The following DHX33 variants were observed in gnomAD, a reference collection of about 807,000 sequenced individuals.
DHX33 encodes the protein ATP-dependent RNA helicase DHX33.
A neutral mutation model predicts 72.5 loss-of-function variants in DHX33; 42 were observed. That is an observed-to-expected ratio of 0.58 (90% CI 0.45 to 0.75). The LOEUF is 0.75. Among genes scored for constraint, DHX33 ranks in the 30% least tolerant of loss-of-function variants. The probability of loss-of-function intolerance (pLI) is 0.00; values close to 1 mark genes in which losing one functional copy is unlikely to be tolerated. For synonymous variants in DHX33, 358 were observed against 366.1 expected, an observed-to-expected ratio of 0.98 and a Z score of 0.25; for missense variants, 842 against 917.5, an observed-to-expected ratio of 0.92 and a Z score of 1.06.
At chr17:5,453,551 C>T (rs1451520080) in intron 8 of DHX33, 29 bp downstream of exon 8, 1 of 1,598,286 alleles carries the variant, frequency 6.3e-7, no homozygotes, top group East Asian at 2.2e-5. Context: ...TCCTCACCCA[C>T]CTTCTGCAAA....
intron 5 of DHX33, 97 bp downstream of exon 5, chr17:5,455,900 T>C: frequency 7.4e-7 from 1 of 1,355,262 alleles, no homozygotes; most frequent in Non-Finnish European, 1.0e-6. Flanking sequence ...TCCCATCCCA[T>C]ACACCTTATC....
chr17:5,448,772 G>C, intron 11 of DHX33, 37 bp downstream of exon 11: 2 of 1,494,098 alleles, frequency 1.3e-6, no homozygotes, highest in Non-Finnish European at 1.8e-6. Flanking sequence ...CAAAGTGACA[G>C]CTTTGTCACC....
chr17:5,445,223 C>T (rs1423803858), intron 11 of DHX33, among the ~76,000 whole-genome samples: 8 of 152,258 alleles, frequency 5.3e-5, no homozygotes, highest in African/African-American at 1.4e-4. Context: ...GGATTACAGG[C>T]GCCTGCCACC....
chr17:5,444,437 C>T lies in DHX33; in HGVS notation c.1892G>A (p.Ser631Asn). The T allele has an allele frequency of 1.9e-6, 3 of 1,614,204 alleles. No homozygotes were observed. The highest frequency in any genetic ancestry group is 2.5e-6 in the Non-Finnish European group (3 of 1,180,050). The change falls in exon 12 of 12, where the codon AGC becomes AAC. Residue 631 changes from serine (S) to asparagine (N), a missense_variant. Transcript: ENST00000225296. The surrounding 1 kb of genome is among the most constrained non-coding windows in gnomAD (Gnocchi z 4.9). ...GCCATCTGGCTGAAGCTCGGCGGTG[C>T]TCATGAAGAGGCTGTGAGCCAGGCA... ...RRCLAHSLFM[S>N]TAELQPDGTY... is the part of the protein sequence containing the mutation.
chr17:5,464,230 T>C (rs146331166), intron 1 of DHX33, among the ~76,000 whole-genome samples: 2,445 of 152,172 alleles, frequency 0.016, 38 homozygotes, highest in Non-Finnish European at 0.021. Flanking sequence ...CTCTGAAGGC[T>C]GAGGTGGGCA....
At chr17:5,462,975 G>A (rs900978812) in intron 2 of DHX33, among the ~76,000 whole-genome samples, 2 of 152,008 alleles carry the variant, frequency 1.3e-5, no homozygotes, top group South Asian at 4.2e-4. Context: ...CCAGCTACTC[G>A]GGAGGCTGAG....
Position 5,453,868 on chromosome 17 carries a change from C to T in DHX33, c.1260G>A (p.Glu420=), listed in dbSNP as rs199645299. ...DSGICYRLYT[E]DEFEKFDKMT... is the part of the protein sequence containing the mutation. Reference sequence around the variant, plus strand: ...TCTTATCAAACTTCTCAAACTCGTCCTCCGTGTAGAGCCGGTAGCAGATGC... The same window carrying T: ...TCTTATCAAACTTCTCAAACTCGTCTTCCGTGTAGAGCCGGTAGCAGATGC... Residue 420 remains glutamate, a synonymous_variant, in exon 7 of 12, where the codon GAG becomes GAA. Transcript: ENST00000225296. The T allele has an allele frequency of 2.5e-6, 4 of 1,614,030 alleles. No individual in the cohort carries two copies. The highest frequency in any genetic ancestry group is 3.4e-6 in the Non-Finnish European group (4 of 1,180,022).
chr17:5,458,581 CA>C (rs1458454028), intron 4 of DHX33, among the ~76,000 whole-genome samples: 3 of 151,950 alleles, frequency 2.0e-5, no homozygotes, highest in Admixed American at 6.6e-5. Context: ...GATCCTGCCT[CA>C]AAAACAAAAA....
At position 5,444,367 on chromosome 17, in the gene DHX33, C is replaced by T. The variant is rs761146732; in HGVS notation, c.1962G>A (p.Pro654=). The change falls in exon 12 of 12, where the codon CCG becomes CCA. Residue 654 remains proline, a synonymous_variant. Coordinates refer to ENST00000225296, the MANE Select transcript of DHX33 (RefSeq NM_020162.4). The surrounding 1 kb of genome is among the most constrained non-coding windows in gnomAD (Gnocchi z 4.9). ...TDTHQPVAIH[P]SSVLFHCKPA... is the part of the protein sequence containing the mutation. ...GCTTGCAGTGGAAGAGGACAGACGACGGGTGGATGGCCACTGGCTGGTGGG... is the reference window on the plus strand; with the variant it reads ...GCTTGCAGTGGAAGAGGACAGACGATGGGTGGATGGCCACTGGCTGGTGGG... The T allele has an allele frequency of 1.3e-5, 21 of 1,614,118 alleles. No individual in the cohort carries two copies. The highest frequency in any genetic ancestry group is 6.7e-5 in the African/African-American group (5 of 74,932).
At chr17:5,450,746 C>T (rs1916865395) in intron 9 of DHX33, 61 bp downstream of exon 9, 4 of 1,606,904 alleles carry the variant, frequency 2.5e-6, no homozygotes, top group Non-Finnish European at 1.7e-6. Context: ...GTAGATGGTA[C>T]TACTTTGGGA....
At chr17:5,465,025 A>G (rs1904811764) in intron 1 of DHX33, among the ~76,000 whole-genome samples, 1 of 152,228 alleles carries the variant, frequency 6.6e-6, no homozygotes, top group South Asian at 2.1e-4. Flanking sequence ...GTCCTCCTCC[A>G]ACACCAGAAG....
At chr17:5,462,602 T>G in intron 2 of DHX33, 56 bp from the exon 3 acceptor site, 1 of 1,381,888 alleles carries the variant, frequency 7.2e-7, no homozygotes, top group Admixed American at 1.7e-5. Context: ...GCCCACTGTG[T>G]CCGGCACTAA....
intron 1 of DHX33, among the ~76,000 whole-genome samples, chr17:5,467,676 A>C (rs1330806799): frequency 6.6e-6 from 1 of 152,096 alleles, no homozygotes; most frequent in African/African-American, 2.4e-5. Flanking sequence ...GGGCCGGAAA[A>C]ATGTCTGCCC....
intron 3 of DHX33, 46 bp downstream of exon 3, chr17:5,462,273 T>C (rs1276703066): frequency 1.6e-5 from 25 of 1,571,224 alleles, no homozygotes; most frequent in Non-Finnish European, 2.1e-5. Context: ...ACGCATACTT[T>C]CAGGGGAAGT....
In DHX33 at chr17:5,444,250, A is replaced by C. The variant is rs1256110720; in HGVS notation, c.2079T>G (p.Ala693=). The part of the protein sequence containing the change: ...CVIDAQWLYE[A]APEYFRRKLR... ...GCTTCCTCCTAAAGTACTCAGGGGC[A>C]GCCTCGTACAGCCACTGTGCATCTA... Residue 693 remains alanine, a synonymous_variant, in exon 12 of 12, where the codon GCT becomes GCG. Coordinates refer to ENST00000225296, the MANE Select transcript of DHX33 (RefSeq NM_020162.4). The surrounding 1 kb of genome is among the most constrained non-coding windows in gnomAD (Gnocchi z 4.9). 1 of 1,614,222 alleles carries C rather than the reference A, an allele frequency of 6.2e-7. No individual in the cohort carries two copies. Among genetic ancestry groups the C allele is most frequent in the Non-Finnish European group, 8.5e-7 (1 of 1,180,046 alleles).
chr17:5,463,259 G>A (rs1260189671), intron 2 of DHX33, among the ~76,000 whole-genome samples: 1 of 152,094 alleles, frequency 6.6e-6, no homozygotes, highest in Non-Finnish European at 1.5e-5. Flanking sequence ...ATGATATATA[G>A]ATAAGAGAGT....
At position 5,450,834 on chromosome 17, in the gene DHX33, T is replaced by C. The variant is rs1303002503; in HGVS notation, c.1497A>G (p.Ala499=). Residue 499 remains alanine (A), a synonymous_variant, in exon 9 of 12, where the codon GCA becomes GCG. Transcript: ENST00000225296. ...TGGCAAATTTGGGTTCTAAAGGAAATGCTGCCATCTTTCTTCCCATTGGAG... is the reference window on the plus strand; with the variant it reads ...TGGCAAATTTGGGTTCTAAAGGAAACGCTGCCATCTTTCTTCCCATTGGAG... ...TLTPMGRKMA[A]FPLEPKFAKT... The C allele has an allele frequency of 1.2e-6, 2 of 1,614,226 alleles. No homozygotes were observed. The highest frequency in any genetic ancestry group is 1.6e-4 in the Middle Eastern group (1 of 6,062).
intron 1 of DHX33, among the ~76,000 whole-genome samples, chr17:5,465,275 C>A (rs1442365878): frequency 1.3e-5 from 2 of 151,974 alleles, no homozygotes; most frequent in East Asian, 3.9e-4. Flanking sequence ...CCCTGTCAGT[C>A]TGTCAGCCCC....
chr17:5,450,615 T>C (rs1916861439), intron 9 of DHX33, among the ~76,000 whole-genome samples, 192 bp downstream of exon 9: 1 of 152,196 alleles, frequency 6.6e-6, no homozygotes, highest in Non-Finnish European at 1.5e-5. Flanking sequence ...AAATTTCTTG[T>C]GGGTAGGGGC....
Sources: gnomAD v4.1 joint callset for allele counts (sites outside exome capture counted in the v4.1 genomes callset) on GRCh38, gnomAD v4.1.1 for gene constraint, Gnocchi (gnomAD v3.1) non-coding constraint, MANE v1.5 for transcripts, NCBI Gene and HGNC (gene_info 2026-07-23, HGNC 2026-07-21) for gene names.